BICDL1: variants seen among roughly 807,000 people sequenced by gnomAD.
BICDL1 encodes the protein BICD family-like cargo adapter 1.
Under a neutral mutation model 76.8 loss-of-function variants are expected in BICDL1, and 20 were observed. That is an observed-to-expected ratio of 0.26 (90% confidence interval 0.18 to 0.38). The LOEUF is 0.38. BICDL1 is among the 10% of genes least tolerant of loss of function. The pLI, the probability that BICDL1 is intolerant of heterozygous loss-of-function variation, is 1.00. For missense variants in BICDL1, 700 were observed against 798.6 expected, an observed-to-expected ratio of 0.88 and a Z score of 1.49; for synonymous variants, 383 against 337.1, an observed-to-expected ratio of 1.14 and a Z score of -1.49.
chr12:120,009,956 C>T (rs908524085), intron 2 of BICDL1, among the ~76,000 whole-genome samples: 16 of 152,180 alleles, frequency 1.1e-4, no homozygotes, highest in Admixed American at 2.6e-4. Context: ...CTATCTGGAC[C>T]AGTGGTTTGT....
Position 119,998,692 on chromosome 12 carries a change from G to A in BICDL1, c.601G>A (p.Glu201Lys), listed in dbSNP as rs1951700063. 1 of 1,614,010 alleles carries A rather than the reference G, an allele frequency of 6.2e-7. No individual in the cohort carries two copies. The highest frequency in any genetic ancestry group is 1.3e-5 in the African/African-American group (1 of 74,908). ...TCGAGAAAAATCACGGGCTGTCCAG[G>A]AACTGTCGGAACAGAACCAAAGGCT... ...ADREKSRAVQ[E>K]LSEQNQRLLD... Residue 201 changes from glutamate (E) to lysine (K), a missense_variant, in exon 2 of 10, where the codon GAA becomes AAA. Around this residue, in one of 3 missense-constraint regions of BICDL1, gnomAD observed 455 missense variants for 548.7 expected, o/e 0.83. Transcript: ENST00000548673.
chr12:120,010,325 C>T (rs897874315), intron 2 of BICDL1, among the ~76,000 whole-genome samples: 3 of 152,230 alleles, frequency 2.0e-5, no homozygotes, highest in African/African-American at 7.2e-5. Context: ...TTGCCACCAT[C>T]ATCCTTATCC....
intron 2 of BICDL1, among the ~76,000 whole-genome samples, chr12:120,034,505 GT>G (rs1952492793): frequency 6.6e-6 from 1 of 152,152 alleles, no homozygotes; most frequent in African/African-American, 2.4e-5. Context: ...TTTATGACCC[GT>G]TTTGGGATGT....
At position 119,990,353 on chromosome 12, in the gene BICDL1, C is replaced by T. The variant is rs1253523595; in HGVS notation, c.429+56C>T. The T allele has an allele frequency of 1.6e-5, 24 of 1,530,248 alleles. No individual in the cohort carries two copies. In the Admixed American group the frequency reaches 2.9e-4, roughly 18 times the overall value. 94.8% of individuals were successfully genotyped at this position (1,530,248 alleles called of 1,614,324 possible). A position where few individuals can be genotyped will look rare whatever the true frequency, so the allele number is the denominator to read the frequency against. ...AGCAGGGGCCGCCCAGGCACGCGCCCGGCCCTGGGCAGTTAGGGAACCACT... is the reference window on the plus strand; with the variant it reads ...AGCAGGGGCCGCCCAGGCACGCGCCTGGCCCTGGGCAGTTAGGGAACCACT... On this transcript the variant is annotated intron_variant, in intron 1 of 9. Coordinates refer to ENST00000548673, the MANE Select transcript of BICDL1 (RefSeq NM_001367886.1).
intron 2 of BICDL1, among the ~76,000 whole-genome samples, chr12:120,052,577 T>A (rs761128189): frequency 1.3e-5 from 2 of 152,072 alleles, no homozygotes; most frequent in Non-Finnish European, 2.9e-5. Flanking sequence ...GACTGCTTGG[T>A]TAAGGTAGTG....
intron 2 of BICDL1, among the ~76,000 whole-genome samples, chr12:120,023,318 A>G (rs149321966): frequency 6.6e-6 from 1 of 152,356 alleles, no homozygotes; most frequent in East Asian, 1.9e-4. Context: ...GCTTGCATCT[A>G]AACAGTACTT....
intron 8 of BICDL1, among the ~76,000 whole-genome samples, chr12:120,081,645 G>A (rs1156259186): frequency 2.0e-5 from 3 of 151,520 alleles, no homozygotes; most frequent in South Asian, 2.1e-4. Flanking sequence ...CACCACACCC[G>A]GCCTCCAGTT....
intron 2 of BICDL1, among the ~76,000 whole-genome samples, chr12:120,055,837 A>G (rs1786630197): frequency 6.6e-6 from 1 of 152,256 alleles, no homozygotes. Context: ...ATAGGGATAT[A>G]AATTGATGCA....
intron 4 of BICDL1, among the ~76,000 whole-genome samples, chr12:120,066,986 C>T (rs553502440): frequency 6.6e-6 from 1 of 152,264 alleles, no homozygotes; most frequent in African/African-American, 2.4e-5. Context: ...CAGGGGAGCC[C>T]CCTTTTGATC....
chr12:120,058,874 A>G (rs1953041793), intron 2 of BICDL1, among the ~76,000 whole-genome samples: 1 of 152,114 alleles, frequency 6.6e-6, no homozygotes, highest in South Asian at 2.1e-4. Flanking sequence ...TAGAGGCGTG[A>G]GCCACTGCAG....
intron 2 of BICDL1, among the ~76,000 whole-genome samples, chr12:120,021,500 T>G (rs1352506729): frequency 7.0e-6 from 1 of 143,760 alleles, no homozygotes; most frequent in Non-Finnish European, 1.5e-5. Context: ...GGCAGGAGAA[T>G]CGCTTGAACC....
At chr12:120,038,689 T>C (rs1952573227) in intron 2 of BICDL1, among the ~76,000 whole-genome samples, 2 of 152,308 alleles carry the variant, frequency 1.3e-5, no homozygotes, top group South Asian at 4.1e-4. Context: ...GAGTGACCCT[T>C]TCCTTTGAGG....
intron 2 of BICDL1, among the ~76,000 whole-genome samples, chr12:120,049,876 G>A (rs1249426801): frequency 2.6e-5 from 4 of 152,148 alleles, no homozygotes; most frequent in Non-Finnish European, 5.9e-5. Context: ...AGAAGAAACT[G>A]GAAAGCTTTT....
At chr12:120,015,683 G>A (rs1320241469) in intron 2 of BICDL1, among the ~76,000 whole-genome samples, 1 of 152,182 alleles carries the variant, frequency 6.6e-6, no homozygotes, top group African/African-American at 2.4e-5. Flanking sequence ...CTAAGCATAT[G>A]TTACTTAGTT....
intron 8 of BICDL1, among the ~76,000 whole-genome samples, chr12:120,088,888 T>C (rs141875562): frequency 5.3e-5 from 8 of 150,692 alleles, no homozygotes; most frequent in Non-Finnish European, 7.4e-5. Flanking sequence ...ATGGTCTCAA[T>C]CTCCTGACCT....
chr12:120,052,503 C>G (rs1442929039), intron 2 of BICDL1, among the ~76,000 whole-genome samples: 2 of 151,892 alleles, frequency 1.3e-5, no homozygotes, highest in Non-Finnish European at 2.9e-5. Context: ...TCAGTCTTGC[C>G]GAGAATAGCA....
Position 120,061,821 on chromosome 12 carries a change from G to A in BICDL1, c.757G>A (p.Ala253Thr), listed in dbSNP as rs563193929. Reference sequence around the variant, plus strand: ...CATTATCCGGCTGGAGAGCCTTCAGGCCGAGGTGAGCCTCCCGACACAGCA... The same window carrying A: ...CATTATCCGGCTGGAGAGCCTTCAGACCGAGGTGAGCCTCCCGACACAGCA... ...QHIIRLESLQ[A>T]EIKMLSDRKR... The change falls in exon 3 of 10, where the codon GCC (alanine) becomes ACC (threonine). Residue 253 changes from alanine (A) to threonine (T), a missense_variant. By Grantham distance (58) the Ala-to-Thr change is moderately conservative (BLOSUM62 0). Around this residue, in one of 3 missense-constraint regions of BICDL1, gnomAD observed 455 missense variants for 548.7 expected, o/e 0.83. Coordinates refer to ENST00000548673, the MANE Select transcript of BICDL1 (RefSeq NM_001367886.1). 1.9e-6 allele frequency: 3 copies of A among 1,610,914 alleles called. No homozygotes were observed. The highest frequency in any genetic ancestry group is 2.2e-5 in the East Asian group (1 of 44,876).
At chr12:120,059,058 T>C (rs1172333643) in intron 2 of BICDL1, among the ~76,000 whole-genome samples, 1 of 152,166 alleles carries the variant, frequency 6.6e-6, no homozygotes, top group African/African-American at 2.4e-5. Context: ...TAATTTGAGG[T>C]TAAGACAGCC....
chr12:120,009,056 C>T (rs533537055), intron 2 of BICDL1, among the ~76,000 whole-genome samples: 4 of 151,518 alleles, frequency 2.6e-5, no homozygotes, highest in South Asian at 4.2e-4. Context: ...GGCGCAATCT[C>T]GGCTCACTGC....
Sources: gnomAD v4.1 joint callset for allele counts (sites outside exome capture counted in the v4.1 genomes callset) on GRCh38, gnomAD v4.1.1 for gene constraint, gnomAD v4.1.1 regional missense constraint, MANE v1.5 for transcripts, NCBI Gene and HGNC (gene_info 2026-07-23, HGNC 2026-07-21) for gene names.